Variants in SETBP1 observed in about 807,000 individuals in gnomAD.
SETBP1 encodes the protein SET binding protein 1.
In SETBP1, 9 loss-of-function variants were observed where a neutral mutation model predicts 101.0. That is an observed-to-expected ratio of 0.09 (90% CI 0.05 to 0.16). The LOEUF (loss-of-function observed/expected upper bound fraction) is 0.16, where lower values mean the gene tolerates loss of function less well. SETBP1 is among the 10% of genes least tolerant of loss of function. The pLI is 1.00. For missense variants in SETBP1, 1,858 were observed against 2,033.8 expected (o/e 0.91, Z 1.66); for synonymous variants, 818 against 788.5 (o/e 1.04, Z -0.63).
intron 4 of SETBP1, among the ~76,000 whole-genome samples, chr18:44,961,598 T>C (rs1029099763): frequency 7.2e-5 from 11 of 152,202 alleles, no homozygotes; most frequent in African/African-American, 2.7e-4. Context: ...GTTTCTCCAA[T>C]TCTAGGAGCA....
At chr18:44,920,470 A>T (rs929368643) in intron 3 of SETBP1, among the ~76,000 whole-genome samples, 1 of 152,158 alleles carries the variant, frequency 6.6e-6, no homozygotes, top group Admixed American at 6.5e-5. Context: ...GAGAAAATGG[A>T]CTGGAGTTGG....
chr18:44,750,521 A>G (rs1440466904), intron 2 of SETBP1, among the ~76,000 whole-genome samples: 1 of 152,216 alleles, frequency 6.6e-6, no homozygotes, highest in Non-Finnish European at 1.5e-5. Context: ...GTCCGTAACA[A>G]TTGGGAACCA....
At chr18:45,051,839 A>C (rs950074232) in intron 5 of SETBP1, among the ~76,000 whole-genome samples, 2 of 152,206 alleles carry the variant, frequency 1.3e-5, no homozygotes, top group African/African-American at 2.4e-5. Flanking sequence ...GTGTTGGTCT[A>C]TATTTCACAG....
chr18:44,743,469 A>AC (rs1178628528), intron 2 of SETBP1, among the ~76,000 whole-genome samples: 4 of 151,698 alleles, frequency 2.6e-5, no homozygotes, highest in East Asian at 1.9e-4. Context: ...AAGGTACAGC[A>AC]CCCCCCCAAC....
At chr18:44,975,480 CAG>C (rs1165803020) in intron 4 of SETBP1, among the ~76,000 whole-genome samples, 2 of 152,112 alleles carry the variant, frequency 1.3e-5, no homozygotes, top group African/African-American at 4.8e-5. Context: ...GTTCGATACT[CAG>C]TGAACTCAAT....
At chr18:45,057,943 A>G (rs2073835496) in intron 5 of SETBP1, among the ~76,000 whole-genome samples, 1 of 152,226 alleles carries the variant, frequency 6.6e-6, no homozygotes, top group African/African-American at 2.4e-5. Flanking sequence ...TCCATTCTCT[A>G]GTTACCATAA....
intron 2 of SETBP1, among the ~76,000 whole-genome samples, chr18:44,745,593 A>G (rs1477403684): frequency 6.6e-6 from 1 of 152,242 alleles, no homozygotes; most frequent in Non-Finnish European, 1.5e-5. Context: ...CTCTCTAACA[A>G]TTTTGTAAAG....
At chr18:44,872,616 C>T (rs2069304327) in intron 3 of SETBP1, among the ~76,000 whole-genome samples, 1 of 152,216 alleles carries the variant, frequency 6.6e-6, no homozygotes, top group Non-Finnish European at 1.5e-5. Flanking sequence ...GTGCCTTCAT[C>T]CAGGATGCAA....
intron 2 of SETBP1, among the ~76,000 whole-genome samples, chr18:44,724,866 A>G (rs183155469): frequency 1.6e-4 from 25 of 152,324 alleles, no homozygotes; most frequent in African/African-American, 6.0e-4. Flanking sequence ...GTCAGACTAC[A>G]TAATGAGTGG....
Position 44,701,718 on chromosome 18 carries a change from A to G in SETBP1, c.372A>G (p.Ile124Met). The change falls in exon 2 of 6, where the codon ATA (isoleucine) becomes ATG (methionine). Residue 124 changes from isoleucine (I) to methionine (M), a missense_variant. By Grantham distance (10) the Ile-to-Met change is conservative (BLOSUM62 1). Transcript: ENST00000649279. ...CCCCAAAGAATTTGGAGAACTATAT[A>G]TGTCCACCTGAGATCAAGATCACCA... ...KKPPKNLENY[I>M]CPPEIKITIK... 6.2e-7 allele frequency: 1 copy of G among 1,614,022 alleles called. No individual in the cohort carries two copies. The highest frequency in any genetic ancestry group is 8.5e-7 in the Non-Finnish European group (1 of 1,179,992).
chr18:44,865,511 T>C (rs16978210), intron 2 of SETBP1, among the ~76,000 whole-genome samples: 9,075 of 152,276 alleles, frequency 0.06, 905 homozygotes, highest in African/African-American at 0.21. Flanking sequence ...TATCCTGATG[T>C]AGGTGGTCTG....
chr18:44,915,682 G>T (rs2070409861), intron 3 of SETBP1, among the ~76,000 whole-genome samples: 1 of 152,216 alleles, frequency 6.6e-6, no homozygotes, highest in Admixed American at 6.5e-5. Context: ...TACTTGAACA[G>T]AATGTGGTTA....
intron 2 of SETBP1, among the ~76,000 whole-genome samples, chr18:44,839,280 C>G (rs1457276250): frequency 6.6e-6 from 1 of 152,176 alleles, no homozygotes; most frequent in Non-Finnish European, 1.5e-5. Flanking sequence ...AGGGAAGTAG[C>G]AGACATTCTG....
rs1052896280 is a variant in SETBP1, at chr18:45,067,870, G to A, written c.*4172G>A. 6.6e-6 allele frequency: 1 copy of A among 152,102 alleles called. No homozygotes were observed. The highest frequency in any genetic ancestry group is 2.4e-5 in the African/African-American group (1 of 41,400). The allele number at this position is 152,102 out of a possible 1,614,324, so 9.4% of individuals were successfully genotyped here. ...TGCCCAGGTCTAATAAACACTAAAG[G>A]GGGGAAATTGAAAGGAGCTGCCAAC... On this transcript the variant is annotated 3_prime_UTR_variant, in exon 6 of 6. Coordinates refer to ENST00000649279, the MANE Select transcript of SETBP1 (RefSeq NM_015559.3).
At chr18:44,930,202 T>C (rs1484616424) in intron 3 of SETBP1, among the ~76,000 whole-genome samples, 1 of 152,186 alleles carries the variant, frequency 6.6e-6, no homozygotes, top group Non-Finnish European at 1.5e-5. Flanking sequence ...TTCATGTGGT[T>C]TTTGTCTTTG....
At chr18:44,877,063 T>C in intron 3 of SETBP1, 2 of 1,063,730 alleles carry the variant, frequency 1.9e-6, no homozygotes, top group South Asian at 4.3e-5. Context: ...CTTTACTCTC[T>C]AGGCCTTTTT....
chr18:44,731,365 C>G (rs1416437773), intron 2 of SETBP1, among the ~76,000 whole-genome samples: 2 of 152,088 alleles, frequency 1.3e-5, no homozygotes, highest in Non-Finnish European at 2.9e-5. Context: ...AGGCACCACT[C>G]GCTAAACTGA....
chr18:44,767,901 T>G (rs1283627560), intron 2 of SETBP1, among the ~76,000 whole-genome samples: 1 of 152,260 alleles, frequency 6.6e-6, no homozygotes, highest in Admixed American at 6.5e-5. Context: ...TGATAAAGGA[T>G]AGTCCATTTT....
At chr18:44,968,097 A>G (rs1398452964) in intron 4 of SETBP1, among the ~76,000 whole-genome samples, 1 of 152,224 alleles carries the variant, frequency 6.6e-6, no homozygotes, top group East Asian at 1.9e-4. Flanking sequence ...AGACTAGCAT[A>G]TGGAATGCTC....
Sources: gnomAD v4.1 joint callset for allele counts (sites outside exome capture counted in the v4.1 genomes callset) on GRCh38, gnomAD v4.1.1 for gene constraint, MANE v1.5 for transcripts, NCBI Gene and HGNC (gene_info 2026-07-23, HGNC 2026-07-21) for gene names.